Variants in TTYH3 observed in about 807,000 individuals in gnomAD.
The protein encoded by TTYH3 is protein tweety homolog 3.
TTYH3 carries 23 observed loss-of-function variants against 68.2 expected under a neutral mutation model. That is an observed-to-expected ratio of 0.34 (90% CI 0.24 to 0.48). The LOEUF is 0.48. TTYH3 is among the 20% of genes least tolerant of loss of function. TTYH3 has a pLI of 0.99. For synonymous variants in TTYH3, 360 were observed against 332.8 expected (o/e 1.08, Z -0.89); for missense variants, 768 against 727.7 (o/e 1.06, Z -0.64).
At chr7:2,660,073 C>G (rs996868793) in intron 13 of TTYH3, 1 of 1,290,878 alleles carries the variant, frequency 7.7e-7, no homozygotes, top group Non-Finnish European at 1.0e-6. Context: ...TCCCGCACGG[C>G]CACCCGCCTG....
intron 13 of TTYH3, 112 bp downstream of exon 13, chr7:2,659,127 C>A: frequency 4.7e-6 from 5 of 1,058,516 alleles, no homozygotes; most frequent in Non-Finnish European, 7.0e-6. Flanking sequence ...GCTCTGGGGG[C>A]AGCTGTGAGC....
chr7:2,634,614 G>A (rs975863428), intron 1 of TTYH3, among the ~76,000 whole-genome samples: 5 of 152,020 alleles, frequency 3.3e-5, no homozygotes, highest in African/African-American at 7.2e-5. Flanking sequence ...GGTGTGGCAC[G>A]GGGGACTGGC....
At chr7:2,659,042 G>T (rs777347237) in intron 13 of TTYH3, 27 bp downstream of exon 13, 2 of 1,608,224 alleles carry the variant, frequency 1.2e-6, no homozygotes, top group Non-Finnish European at 8.5e-7. Context: ...GAGGGTGGAT[G>T]GGGGGCTGCT....
At chr7:2,656,655 C>T in intron 11 of TTYH3, 121 bp downstream of exon 11, 1 of 1,248,294 alleles carries the variant, frequency 8.0e-7, no homozygotes, top group Non-Finnish European at 1.1e-6. Context: ...CAGACACCTC[C>T]TCACCTCGTG....
intron 1 of TTYH3, among the ~76,000 whole-genome samples, chr7:2,633,221 C>T (rs920082457): frequency 6.6e-6 from 1 of 152,186 alleles, no homozygotes; most frequent in African/African-American, 2.4e-5. Flanking sequence ...CCCGGAGTTT[C>T]TCTCTGGACG....
At chr7:2,652,374 C>G (rs1322101523) in intron 8 of TTYH3, 132 bp downstream of exon 8, 15 of 806,416 alleles carry the variant, frequency 1.9e-5, no homozygotes, top group Non-Finnish European at 3.1e-5. Context: ...GGGAGCTGGA[C>G]AAAGGCTGTG....
Position 2,658,408 on chromosome 7 carries a change from G to A in TTYH3, c.1373G>A (p.Ser458Asn), listed in dbSNP as rs867415473. The A allele has an allele frequency of 1.2e-6, 2 of 1,612,288 alleles. No individual in the cohort carries two copies. The highest frequency in any genetic ancestry group is 1.7e-6 in the Non-Finnish European group (2 of 1,179,728). The change falls in exon 12 of 14, where the codon AGC becomes AAC. Residue 458 changes from serine (S) to asparagine (N), a missense_variant. Physicochemically the swap from Ser to Asn is conservative, Grantham distance 46. Coordinates refer to ENST00000258796, the MANE Select transcript of TTYH3 (RefSeq NM_025250.3). ...SCGSSYGSET[S>N]IPAAAHTVSN... ...GGCAGCAGCTACGGCAGTGAGACCA[G>A]CATCCCGGCCGCGGCCCACACCGTC... is the stretch of plus-strand genomic sequence containing the variant.
Position 2,661,258 on chromosome 7 carries a change from G to A in TTYH3, c.1501-410G>A, listed in dbSNP as rs76274936. Among the ~76,000 whole-genome samples the A allele has an allele frequency of 7.3e-3, 1,113 of 152,328 alleles. 11 individuals carry two copies. The highest frequency in any genetic ancestry group is 0.025 in the African/African-American group (1,055 of 41,574). ...AGGAGGCCTTGGCCCGGCCCTGGAG[G>A]GTGGCTGGTTTGTGTCCTTCAGGTC... On this transcript the variant is annotated intron_variant, in intron 13 of 13. Transcript: ENST00000258796.
chr7:2,649,663 C>T, intron 6 of TTYH3, 24 bp downstream of exon 6: 1 of 1,586,484 alleles, frequency 6.3e-7, no homozygotes, highest in Middle Eastern at 1.7e-4. Flanking sequence ...GGGGTGAGGT[C>T]CCCGGCTGCT....
At chr7:2,658,820 C>T (rs1786410054) in intron 12 of TTYH3, 120 bp from the exon 13 acceptor site, 10 of 958,848 alleles carry the variant, frequency 1.0e-5, no homozygotes, top group South Asian at 2.9e-5. Context: ...GTTCGTGGGA[C>T]CCCCAGTGAG....
chr7:2,640,405 G>GT (rs1360974256), intron 1 of TTYH3, among the ~76,000 whole-genome samples: 10 of 151,722 alleles, frequency 6.6e-5, no homozygotes, highest in East Asian at 5.9e-4. Context: ...TGTGTGTGTG[G>GT]GGGGGGACGT....
intron 1 of TTYH3, among the ~76,000 whole-genome samples, chr7:2,633,917 G>A (rs1261953133): frequency 6.6e-6 from 1 of 152,208 alleles, no homozygotes; most frequent in Non-Finnish European, 1.5e-5. Flanking sequence ...GGGCGATGAT[G>A]TCTGCAGCCC....
At chr7:2,647,301 G>C in intron 3 of TTYH3, 48 bp downstream of exon 3, 1 of 1,533,614 alleles carries the variant, frequency 6.5e-7, no homozygotes, top group Non-Finnish European at 8.7e-7. Context: ...CTGCTCCGGA[G>C]CCCCACGTCT....
chr7:2,637,877 A>G (rs955579404), intron 1 of TTYH3, among the ~76,000 whole-genome samples: 6 of 152,118 alleles, frequency 3.9e-5, no homozygotes. Flanking sequence ...GTGGGGCAGC[A>G]CCCACTGTGG....
At chr7:2,659,148 G>T in intron 13 of TTYH3, 133 bp downstream of exon 13, 2 of 889,472 alleles carry the variant, frequency 2.2e-6, no homozygotes, top group South Asian at 1.6e-5. Flanking sequence ...TGCCACCACC[G>T]GGGTCCCAGG....
intron 1 of TTYH3, among the ~76,000 whole-genome samples, chr7:2,632,627 GCCAGTGGAGGGCCTCTCCA>G (rs1375001304): frequency 1.3e-5 from 2 of 152,192 alleles, no homozygotes; most frequent in Non-Finnish European, 2.9e-5. Flanking sequence ...AGCCCCCTTG[GCCAGTGGAGGGCCTCTCCA>G]CCATCACTGT....
At chr7:2,632,943 G>T (rs1315900432) in intron 1 of TTYH3, among the ~76,000 whole-genome samples, 1 of 152,204 alleles carries the variant, frequency 6.6e-6, no homozygotes, top group Admixed American at 6.5e-5. Context: ...GCCCCCGGGG[G>T]AGGGAGGCCC....
At chr7:2,647,929 G>T (rs1293841411) in intron 4 of TTYH3, 30 bp from the exon 5 acceptor site, 3 of 1,602,114 alleles carry the variant, frequency 1.9e-6, no homozygotes, top group African/African-American at 1.3e-5. Context: ...GGGTCCCTGT[G>T]CCCTGGCGCA....
intron 8 of TTYH3, among the ~76,000 whole-genome samples, 153 bp downstream of exon 8, chr7:2,652,395 C>A (rs1186635515): frequency 6.6e-6 from 1 of 152,176 alleles, no homozygotes; most frequent in Non-Finnish European, 1.5e-5. Context: ...TGGATGTCAC[C>A]AACAGCCCCT....
Sources: allele counts gnomAD v4.1 joint callset (sites outside exome capture counted in the v4.1 genomes callset), GRCh38; gene constraint gnomAD v4.1.1; transcripts MANE v1.5; gene names NCBI Gene and HGNC (gene_info 2026-07-23, HGNC 2026-07-21).